ABCD2: variants seen among roughly 807,000 people sequenced by gnomAD.
The protein encoded by ABCD2 is ATP binding cassette subfamily D member 2.
In ABCD2, 36 loss-of-function variants were observed where a neutral mutation model predicts 70.9. That is an observed-to-expected ratio of 0.51 (90% CI 0.39 to 0.67). The LOEUF (loss-of-function observed/expected upper bound fraction) is 0.67, where lower values mean the gene tolerates loss of function less well. Ranked by LOEUF, ABCD2 falls within the 30% of genes least tolerant of loss-of-function variation. ABCD2 has a pLI of 0.00. For synonymous variants in ABCD2, 304 were observed against 306.9 expected, an observed-to-expected ratio of 0.99 and a Z score of 0.10; for missense variants, 729 against 890.2, an observed-to-expected ratio of 0.82 and a Z score of 2.30.
At chr12:39,581,470 A>G (rs900078708) in intron 7 of ABCD2, among the ~76,000 whole-genome samples, 1 of 152,162 alleles carries the variant, frequency 6.6e-6, no homozygotes, top group African/African-American at 2.4e-5. Context: ...AAATAGACAA[A>G]TCCTTAAAAT....
chr12:39,615,391 A>G (rs1942102150), intron 2 of ABCD2, among the ~76,000 whole-genome samples: 3 of 152,078 alleles, frequency 2.0e-5, no homozygotes, highest in Non-Finnish European at 4.4e-5. Flanking sequence ...TATTAACACC[A>G]TAGATTTTAA....
At chr12:39,537,731 A>T in the ABCD2 span, among the ~76,000 whole-genome samples, 1 of 152,218 alleles carries the variant, frequency 6.6e-6, no homozygotes, top group African/African-American at 2.4e-5. Flanking sequence ...TAAATGCATG[A>T]TCTACAGAAC....
chr12:39,534,448 T>A, the ABCD2 span, among the ~76,000 whole-genome samples: 27 of 152,222 alleles, frequency 1.8e-4, no homozygotes, highest in African/African-American at 6.0e-4. Flanking sequence ...TACACCAGCT[T>A]CATAGAGTTT....
At chr12:39,571,262 C>G (rs1941444621) in intron 9 of ABCD2, among the ~76,000 whole-genome samples, 1 of 152,146 alleles carries the variant, frequency 6.6e-6, no homozygotes, top group African/African-American at 2.4e-5. Flanking sequence ...AAAGAGATAA[C>G]TGCACTCCCA....
chr12:39,538,011 A>G, the ABCD2 span, among the ~76,000 whole-genome samples: 2 of 152,142 alleles, frequency 1.3e-5, no homozygotes, highest in Admixed American at 6.5e-5. Flanking sequence ...CACTTCACCT[A>G]TGACAGGAAA....
chr12:39,596,171 T>C (rs1450973191), intron 6 of ABCD2, among the ~76,000 whole-genome samples: 1 of 152,216 alleles, frequency 6.6e-6, no homozygotes, highest in Non-Finnish European at 1.5e-5. Flanking sequence ...ATTTCTTACC[T>C]ATTTAGAAAT....
At chr12:39,533,211 A>G in the ABCD2 span, among the ~76,000 whole-genome samples, 1 of 152,064 alleles carries the variant, frequency 6.6e-6, no homozygotes, top group Non-Finnish European at 1.5e-5. Flanking sequence ...AGAGAAAGGT[A>G]TGAATGCTTA....
At chr12:39,618,563 A>C in intron 1 of ABCD2, 114 bp downstream of exon 1, 1 of 867,742 alleles carries the variant, frequency 1.2e-6, no homozygotes, top group Non-Finnish European at 1.8e-6. Flanking sequence ...ATGTCAGAGG[A>C]ATCTAAGACA....
chr12:39,554,301 C>A (rs1026930956), intron 9 of ABCD2, among the ~76,000 whole-genome samples, 170 bp from the exon 10 acceptor site: 1 of 151,330 alleles, frequency 6.6e-6, no homozygotes, highest in African/African-American at 2.4e-5. Flanking sequence ...TTTTTAAAAC[C>A]CAAAAGTCAT....
chr12:39,594,474 A>C (rs1473382753), intron 6 of ABCD2, among the ~76,000 whole-genome samples: 2 of 152,220 alleles, frequency 1.3e-5, no homozygotes, highest in South Asian at 4.1e-4. Flanking sequence ...TTATCTCAAG[A>C]GGTCACAACA....
chr12:39,585,277 A>G (rs1013228671), intron 7 of ABCD2, among the ~76,000 whole-genome samples: 15 of 151,988 alleles, frequency 9.9e-5, no homozygotes, highest in African/African-American at 3.4e-4. Context: ...TTTTTGTGGC[A>G]ATTGTGAAGG....
chr12:39,581,426 A>C (rs1033058843), intron 7 of ABCD2, among the ~76,000 whole-genome samples: 4 of 152,178 alleles, frequency 2.6e-5, no homozygotes, highest in African/African-American at 9.7e-5. Flanking sequence ...ACTTCCAGAA[A>C]TTGTCATTTT....
At chr12:39,617,451 A>G (rs1281465089) in intron 1 of ABCD2, among the ~76,000 whole-genome samples, 1 of 152,154 alleles carries the variant, frequency 6.6e-6, no homozygotes, top group Non-Finnish European at 1.5e-5. Flanking sequence ...TGAGACATGA[A>G]TAAACAATTA....
chr12:39,591,685 C>T (rs1191015295), intron 6 of ABCD2, among the ~76,000 whole-genome samples: 3 of 152,072 alleles, frequency 2.0e-5, no homozygotes, highest in Non-Finnish European at 4.4e-5. Context: ...GAACTCCAGC[C>T]TGGGCAATAG....
At position 39,552,175 on chromosome 12, in the gene ABCD2, T is replaced by A. The variant is rs765356647; in HGVS notation, c.*1737A>T. On this transcript the variant is annotated 3_prime_UTR_variant, in exon 10 of 10. Coordinates refer to ENST00000308666, the MANE Select transcript of ABCD2 (RefSeq NM_005164.4). ...GTACTGATTATAATTTTATATTGCA[T>A]TCCTTCATGTAAGTTGGTTACATTT... 3.9e-5 allele frequency: 6 copies of A among 151,978 alleles called. No homozygotes were observed. Among genetic ancestry groups the A allele is most frequent in the Non-Finnish European group, 8.8e-5 (6 of 67,844 alleles). The allele number at this position is 151,978 out of a possible 1,614,324, so 9.4% of individuals were successfully genotyped here.
chr12:39,594,161 T>C (rs1018865359), intron 6 of ABCD2, among the ~76,000 whole-genome samples: 2 of 152,186 alleles, frequency 1.3e-5, no homozygotes, highest in African/African-American at 2.4e-5. Context: ...TAAAGGGTAG[T>C]AATTTTTCAT....
At chr12:39,588,316 C>T (rs1941694684) in intron 6 of ABCD2, among the ~76,000 whole-genome samples, 1 of 152,108 alleles carries the variant, frequency 6.6e-6, no homozygotes, top group Non-Finnish European at 1.5e-5. Context: ...TAAATGAAAC[C>T]TTATTTAGGA....
chr12:39,602,337 A>T (rs1229347271), intron 5 of ABCD2, among the ~76,000 whole-genome samples: 1 of 151,724 alleles, frequency 6.6e-6, no homozygotes, highest in Non-Finnish European at 1.5e-5. Context: ...ATTTTTTAGT[A>T]GAGACAGGGT....
At chr12:39,601,085 A>G (rs1460953484) in intron 5 of ABCD2, among the ~76,000 whole-genome samples, 3 of 152,090 alleles carry the variant, frequency 2.0e-5, no homozygotes, top group East Asian at 3.8e-4. Context: ...TTAATATTGG[A>G]TTAAATTTAC....
Sources: gnomAD v4.1 joint callset for allele counts (sites outside exome capture counted in the v4.1 genomes callset) on GRCh38, gnomAD v4.1.1 for gene constraint, MANE v1.5 for transcripts, NCBI Gene and HGNC (gene_info 2026-07-23, HGNC 2026-07-21) for gene names.